PUS7: variants seen among roughly 807,000 people sequenced by gnomAD.
The protein encoded by PUS7 is pseudouridine synthase 7.
Under a neutral mutation model 79.8 loss-of-function variants are expected in PUS7, and 48 were observed. The observed-to-expected ratio is 0.60, with a 90% CI of 0.48 to 0.76. The LOEUF (loss-of-function observed/expected upper bound fraction) is 0.76, where lower values mean the gene tolerates loss of function less well. PUS7 is among the 30% of genes least tolerant of loss of function. The pLI, the probability that PUS7 is intolerant of heterozygous loss-of-function variation, is 0.00. For missense variants in PUS7, 729 were observed against 797.6 expected (o/e 0.91, Z 1.04); for synonymous variants, 286 against 272.2 (o/e 1.05, Z -0.50).
At chr7:105,460,928 C>T (rs55732933) in intron 14 of PUS7, among the ~76,000 whole-genome samples, 3,532 of 151,150 alleles carry the variant, frequency 0.023, 53 homozygotes, top group African/African-American at 0.031. Context: ...AGGGCAGTGG[C>T]GTGATCACAG....
intron 12 of PUS7, among the ~76,000 whole-genome samples, chr7:105,467,446 C>T (rs887934069): frequency 4.0e-5 from 6 of 151,738 alleles, no homozygotes; most frequent in East Asian, 2.0e-4. Flanking sequence ...CCTGCCACCA[C>T]GCCCGGCTAA....
At position 105,475,902 on chromosome 7, in the gene PUS7, T is replaced by C. The variant is rs370922016; in HGVS notation, c.1176-3709A>G. On this transcript the variant is annotated intron_variant, in intron 9 of 15. Transcript: ENST00000469408. ...ACCATTCTACTTTCTGTCTATGGCT[T>C]TGACTACTCTAGGAACCTCATATAA... 5.3e-5 allele frequency among the ~76,000 whole-genome samples: 8 copies of C among 152,232 alleles called. No individual in the cohort carries two copies. The South Asian group carries it at 1.7e-3, about 32-fold the overall frequency.
intron 14 of PUS7, among the ~76,000 whole-genome samples, chr7:105,461,564 C>T (rs1823427425): frequency 6.6e-6 from 1 of 152,114 alleles, no homozygotes; most frequent in South Asian, 2.1e-4. Context: ...AAAGTAGTAG[C>T]AGTAGTGGTA....
At chr7:105,521,796 C>A (rs1562829248) in intron 1 of PUS7, among the ~76,000 whole-genome samples, 1 of 150,834 alleles carries the variant, frequency 6.6e-6, no homozygotes, top group Non-Finnish European at 1.5e-5. Context: ...GACGACTGGC[C>A]GGGCAGAGCG....
chr7:105,513,159 A>T (rs1393296146), intron 1 of PUS7, among the ~76,000 whole-genome samples: 2 of 152,150 alleles, frequency 1.3e-5, no homozygotes, highest in Non-Finnish European at 2.9e-5. Flanking sequence ...CCCTTACCAA[A>T]AACCTGCAAT....
rs1563353773 is a variant in PUS7 at position 105,465,346 on chromosome 7, G to A, written c.1594C>T (p.Pro532Ser). ...TTTGGGTAGATAACATCGAAACCAG[G>A]CAAGGGCATTACCACATCATGGATA... The part of the protein sequence containing the change: ...YSIHDVVMPL[P>S]GFDVIYPKHK... The change falls in exon 13 of 16, where the codon CCT becomes TCT. Residue 532 changes from proline to serine, a missense_variant. Physicochemically the swap from Pro to Ser is moderately conservative, Grantham distance 74. Coordinates refer to ENST00000469408, the MANE Select transcript of PUS7 (RefSeq NM_019042.5). 1.9e-6 allele frequency: 3 copies of A among 1,613,386 alleles called. No homozygotes were observed. The highest frequency in any genetic ancestry group is 2.5e-6 in the Non-Finnish European group (3 of 1,179,432).
chr7:105,508,842 A>T (rs1001471807), intron 1 of PUS7, among the ~76,000 whole-genome samples: 1 of 125,434 alleles, frequency 8.0e-6, no homozygotes, highest in Middle Eastern at 6.0e-3. Context: ...ACTGCACTCC[A>T]GCCTGGGCGA....
At chr7:105,492,340 T>G (rs1824821465) in intron 6 of PUS7, among the ~76,000 whole-genome samples, 1 of 151,932 alleles carries the variant, frequency 6.6e-6, no homozygotes, top group Non-Finnish European at 1.5e-5. Flanking sequence ...CGCTTTTTTT[T>G]TTGAGACGGA....
intron 1 of PUS7, among the ~76,000 whole-genome samples, chr7:105,514,796 A>T (rs818474): frequency 0.33 from 48,712 of 145,492 alleles, 8,958 homozygotes; most frequent in African/African-American, 0.51. Context: ...ATTCTCTCTC[A>T]TTTTTTTTTT....
intron 7 of PUS7, 42 bp downstream of exon 7, chr7:105,491,498 G>A (rs1586143461): frequency 2.3e-6 from 3 of 1,295,634 alleles, no homozygotes; most frequent in East Asian, 4.9e-5. Flanking sequence ...AGCAGTGCCA[G>A]GATATTTACA....
At chr7:105,513,091 T>TG (rs1251261578) in intron 1 of PUS7, among the ~76,000 whole-genome samples, 3 of 152,188 alleles carry the variant, frequency 2.0e-5, no homozygotes, top group Non-Finnish European at 4.4e-5. Context: ...TGCAGGTTCC[T>TG]GGGGAGACAT....
intron 5 of PUS7, 24 bp downstream of exon 5, chr7:105,502,396 A>T (rs368870432): frequency 1.9e-6 from 3 of 1,613,172 alleles, no homozygotes; most frequent in African/African-American, 1.3e-5. Context: ...GCCTGGCAGG[A>T]GGAAGCTGCT....
chr7:105,503,728 G>A (rs1477994340), intron 4 of PUS7, among the ~76,000 whole-genome samples: 2 of 152,116 alleles, frequency 1.3e-5, no homozygotes, highest in African/African-American at 4.8e-5. Context: ...TGCCTCCCAG[G>A]CTCAAGCCAT....
rs148569419 is a variant in PUS7, at chr7:105,498,080, T to A, written c.731-2827A>T. ...TAAGAGAAACCATGACAACAGAGTATGAGTTTTGGCTCACAAGCATGCATC... is the reference window on the plus strand; with the variant it reads ...TAAGAGAAACCATGACAACAGAGTAAGAGTTTTGGCTCACAAGCATGCATC... On this transcript the variant is annotated intron_variant, in intron 5 of 15. Transcript: ENST00000469408. Among the ~76,000 whole-genome samples, 589 of 152,338 alleles carry A rather than the reference T, an allele frequency of 3.9e-3. 2 individuals are homozygous for A. The highest frequency in any genetic ancestry group is 0.013 in the African/African-American group (561 of 41,588).
intron 1 of PUS7, among the ~76,000 whole-genome samples, chr7:105,517,887 T>C (rs1825955105): frequency 6.6e-6 from 1 of 152,162 alleles, no homozygotes; most frequent in Admixed American, 6.6e-5. Flanking sequence ...TGGTGTCTCA[T>C]GCCTGTAATC....
At chr7:105,515,778 G>A (rs1025573353) in intron 1 of PUS7, among the ~76,000 whole-genome samples, 3 of 136,422 alleles carry the variant, frequency 2.2e-5, no homozygotes, top group Admixed American at 7.5e-5. Context: ...ACTAAGTTTT[G>A]TATTTTATTT....
chr7:105,486,590 C>A (rs1236645901), intron 7 of PUS7, among the ~76,000 whole-genome samples: 2 of 152,030 alleles, frequency 1.3e-5, no homozygotes, highest in Non-Finnish European at 1.5e-5. Flanking sequence ...GAGTGAGGAA[C>A]GGGGGACAAA....
At chr7:105,475,207 A>G (rs1824039050) in intron 9 of PUS7, among the ~76,000 whole-genome samples, 1 of 151,696 alleles carries the variant, frequency 6.6e-6, no homozygotes, top group Non-Finnish European at 1.5e-5. Context: ...TTTTTTTGAG[A>G]TGGAGTCTCG....
chr7:105,516,730 C>T (rs1340323597), intron 1 of PUS7, among the ~76,000 whole-genome samples: 4 of 152,078 alleles, frequency 2.6e-5, no homozygotes, highest in East Asian at 3.9e-4. Context: ...CCTGGGATTA[C>T]AGGCGTGAGC....
Sources: allele counts gnomAD v4.1 joint callset (sites outside exome capture counted in the v4.1 genomes callset), GRCh38; gene constraint gnomAD v4.1.1; transcripts MANE v1.5; gene names NCBI Gene and HGNC (gene_info 2026-07-23, HGNC 2026-07-21).